RPAP2: variants seen among roughly 807,000 people sequenced by gnomAD.
RPAP2 encodes the protein RNA polymerase II associated protein 2, also known as putative RNA polymerase II subunit B1 CTD phosphatase RPAP2.
A neutral mutation model predicts 73.1 loss-of-function variants in RPAP2; 52 were observed. The ratio of observed to expected loss-of-function variants is 0.71; its 90% CI spans 0.57 to 0.90. RPAP2 has a LOEUF of 0.90. RPAP2 is among the 40% of genes least tolerant of loss of function. The probability of loss-of-function intolerance (pLI) is 0.00; values close to 1 mark genes in which losing one functional copy is unlikely to be tolerated. For missense variants in RPAP2, 598 were observed against 701.8 expected, an observed-to-expected ratio of 0.85 and a Z score of 1.67; for synonymous variants, 225 against 242.1, an observed-to-expected ratio of 0.93 and a Z score of 0.65.
At chr1:92,384,359 A>G (rs1383872924) in intron 12 of RPAP2, among the ~76,000 whole-genome samples, 1 of 151,524 alleles carries the variant, frequency 6.6e-6, no homozygotes, top group Non-Finnish European at 1.5e-5. Context: ...CGCAGTGGCT[A>G]ATGCCTGTAA....
intron 6 of RPAP2, among the ~76,000 whole-genome samples, chr1:92,310,639 C>A (rs760209961): frequency 5.3e-5 from 8 of 151,938 alleles, no homozygotes; most frequent in Non-Finnish European, 1.0e-4. Context: ...GACTCACGCC[C>A]GTAATCCCAG....
Position 92,375,019 on chromosome 1 carries a change from G to C in RPAP2, c.1689-5705G>C, listed in dbSNP as rs561160180. On this transcript the variant is annotated intron_variant, in intron 11 of 12. Coordinates refer to ENST00000610020, the MANE Select transcript of RPAP2 (RefSeq NM_024813.3). Reference sequence around the variant, plus strand: ...ATAAAGTAGATGGGGCAAGGAATCTGTGCTATTAAGTAATAAAGCATGTTA... The same window carrying C: ...ATAAAGTAGATGGGGCAAGGAATCTCTGCTATTAAGTAATAAAGCATGTTA... Among the ~76,000 whole-genome samples, 46 of 152,172 alleles carry C rather than the reference G, an allele frequency of 3.0e-4. No individual in the cohort carries two copies. The South Asian group carries it at 9.6e-3, about 32-fold the overall frequency.
chr1:92,331,323 A>G (rs2101218092), intron 8 of RPAP2, among the ~76,000 whole-genome samples: 1 of 152,234 alleles, frequency 6.6e-6, no homozygotes, highest in South Asian at 2.1e-4. Context: ...AATTTAATCT[A>G]TTTGCATTTC....
At chr1:92,384,085 G>C (rs762191869) in intron 12 of RPAP2, among the ~76,000 whole-genome samples, 1 of 151,110 alleles carries the variant, frequency 6.6e-6, no homozygotes, top group Non-Finnish European at 1.5e-5. Flanking sequence ...CAGCCTCCCT[G>C]TAGCTGGGAC....
chr1:92,312,904 C>T (rs994774536), intron 6 of RPAP2, among the ~76,000 whole-genome samples: 2 of 152,052 alleles, frequency 1.3e-5, no homozygotes, highest in African/African-American at 4.8e-5. Flanking sequence ...TCACTACAAC[C>T]TCTGCCTCCT....
intron 6 of RPAP2, among the ~76,000 whole-genome samples, chr1:92,315,656 C>T (rs1263940565): frequency 1.3e-5 from 2 of 152,156 alleles, no homozygotes; most frequent in Non-Finnish European, 2.9e-5. Context: ...AGCTCACTAC[C>T]TCATTGGTAT....
chr1:92,383,591 C>G (rs1655742612), intron 12 of RPAP2, among the ~76,000 whole-genome samples: 1 of 152,160 alleles, frequency 6.6e-6, no homozygotes, highest in South Asian at 2.1e-4. Flanking sequence ...TATAAGAATG[C>G]TTGTGATTTT....
intron 6 of RPAP2, among the ~76,000 whole-genome samples, chr1:92,317,757 T>C (rs1424697254): frequency 6.6e-6 from 1 of 152,208 alleles, no homozygotes; most frequent in East Asian, 1.9e-4. Context: ...TTATGCTTTT[T>C]CCCTTGCCTT....
intron 6 of RPAP2, among the ~76,000 whole-genome samples, chr1:92,310,938 T>C (rs1651558818): frequency 6.6e-6 from 1 of 152,224 alleles, no homozygotes; most frequent in South Asian, 2.1e-4. Flanking sequence ...CTTATTGAAA[T>C]GACTTCCAAA....
At chr1:92,302,104 A>G (rs1275363223) in intron 3 of RPAP2, among the ~76,000 whole-genome samples, 1 of 152,158 alleles carries the variant, frequency 6.6e-6, no homozygotes, top group Admixed American at 6.5e-5. Flanking sequence ...AACATGGTGA[A>G]ACCTCGTTTC....
At chr1:92,366,187 C>T (rs1029497733) in intron 11 of RPAP2, among the ~76,000 whole-genome samples, 14 of 152,090 alleles carry the variant, frequency 9.2e-5, no homozygotes, top group African/African-American at 2.4e-4. Flanking sequence ...CCTGTAGTCT[C>T]GGCTATTTGG....
intron 10 of RPAP2, among the ~76,000 whole-genome samples, chr1:92,336,740 T>C (rs1653300128): frequency 6.6e-6 from 1 of 152,114 alleles, no homozygotes; most frequent in South Asian, 2.1e-4. Flanking sequence ...TAAATATATA[T>C]TGGCTGACCC....
chr1:92,323,916 A>T lies in RPAP2; in HGVS notation c.996A>T (p.Lys332Asn), dbSNP rs775461966. Residue 332 changes from lysine to asparagine, a missense_variant, in exon 8 of 13, where the codon AAA becomes AAT. This residue lies in a region of RPAP2 where 506 missense variants were observed against 612.8 expected (regional missense o/e 0.83). Transcript: ENST00000610020. ...SEITLVGISK[K>N]SAEHFKRKFA... ...TAACTCTAGTAGGCATAAGTAAGAA[A>T]AGTGCAGAGCATTTTAAGAGAAAAT... 1 of 1,614,200 alleles carries T rather than the reference A, an allele frequency of 6.2e-7. No homozygotes were observed. The highest frequency in any genetic ancestry group is 8.5e-7 in the Non-Finnish European group (1 of 1,180,018).
At chr1:92,321,136 G>A (rs1652231165) in intron 7 of RPAP2, among the ~76,000 whole-genome samples, 2 of 152,144 alleles carry the variant, frequency 1.3e-5, no homozygotes, top group African/African-American at 4.8e-5. Flanking sequence ...TTAACTCTCA[G>A]AATAAATGTT....
rs143295405 is a variant in RPAP2 at position 92,360,423 on chromosome 1, T to C, written c.1688+14509T>C. Among the ~76,000 whole-genome samples, 3 of 152,296 alleles carry C rather than the reference T, an allele frequency of 2.0e-5. No individual in the cohort carries two copies. The East Asian group carries it at 5.8e-4, about 29-fold the overall frequency. ...GGAGCAAATGCCGACTACTCTTTTC[T>C]TATGGTTGGCAAAAGCAGAAAGGAG... On this transcript the variant is annotated intron_variant, in intron 11 of 12. Coordinates refer to ENST00000610020, the MANE Select transcript of RPAP2 (RefSeq NM_024813.3).
intron 11 of RPAP2, among the ~76,000 whole-genome samples, chr1:92,362,633 A>C (rs1347165875): frequency 6.6e-6 from 1 of 152,228 alleles, no homozygotes; most frequent in Non-Finnish European, 1.5e-5. Flanking sequence ...AACTGCTCAA[A>C]ACTGCTTGGT....
intron 12 of RPAP2, among the ~76,000 whole-genome samples, chr1:92,384,349 C>T (rs972641568): frequency 2.6e-5 from 4 of 151,702 alleles, no homozygotes; most frequent in African/African-American, 7.3e-5. Context: ...AGACCGGGTG[C>T]GCAGTGGCTA....
intron 2 of RPAP2, among the ~76,000 whole-genome samples, chr1:92,300,508 C>G (rs17578954): frequency 0.061 from 9,272 of 152,238 alleles, 350 homozygotes; most frequent in Non-Finnish European, 0.092. Flanking sequence ...TTCAGGTACA[C>G]TCTCCTTTTA....
chr1:92,309,580 TACATACACATAC>T (rs56342531), intron 6 of RPAP2, among the ~76,000 whole-genome samples: 18,901 of 147,858 alleles, frequency 0.13, 1,338 homozygotes, highest in African/African-American at 0.15. Flanking sequence ...CATATACATA[TACATACACATAC>T]ACATACACAT....
Sources: gnomAD v4.1 joint callset for allele counts (sites outside exome capture counted in the v4.1 genomes callset) on GRCh38, gnomAD v4.1.1 for gene constraint, gnomAD v4.1.1 regional missense constraint, MANE v1.5 for transcripts, NCBI Gene and HGNC (gene_info 2026-07-23, HGNC 2026-07-21) for gene names.